NALF1: variants seen among roughly 807,000 people sequenced by gnomAD.
NALF1 encodes NALCN channel auxiliary factor 1.
A neutral mutation model predicts 48.4 loss-of-function variants in NALF1; 3 were observed. That is an observed-to-expected ratio of 0.06 (90% CI 0.03 to 0.16). The LOEUF is 0.16. Ranked by LOEUF, NALF1 falls within the 10% of genes least tolerant of loss-of-function variation. The probability of loss-of-function intolerance (pLI) is 1.00; values close to 1 mark genes in which losing one functional copy is unlikely to be tolerated. For synonymous variants in NALF1, 262 were observed against 245.7 expected (o/e 1.07, Z -0.62); for missense variants, 526 against 571.5 (o/e 0.92, Z 0.81).
intron 1 of NALF1, among the ~76,000 whole-genome samples, chr13:107,825,736 G>A (rs559951446): frequency 6.6e-6 from 1 of 152,206 alleles, no homozygotes; most frequent in African/African-American, 2.4e-5. Flanking sequence ...TATCACAAAG[G>A]CCAATAATGT....
chr13:107,648,383 C>G (rs923802150), intron 1 of NALF1, among the ~76,000 whole-genome samples: 1 of 152,150 alleles, frequency 6.6e-6, no homozygotes, highest in Non-Finnish European at 1.5e-5. Context: ...GATTTGTTTA[C>G]TCTCTATACT....
At chr13:107,704,972 A>G (rs1428253034) in intron 1 of NALF1, among the ~76,000 whole-genome samples, 2 of 152,202 alleles carry the variant, frequency 1.3e-5, no homozygotes, top group African/African-American at 4.8e-5. Context: ...CCTGGCCTAT[A>G]TAACTTATGG....
intron 1 of NALF1, among the ~76,000 whole-genome samples, chr13:107,678,696 G>A (rs1053419600): frequency 1.3e-5 from 2 of 152,226 alleles, no homozygotes; most frequent in Non-Finnish European, 2.9e-5. Context: ...ATGGTGGAAG[G>A]TGAAGGGAAA....
chr13:107,853,878 A>G (rs911656538), intron 1 of NALF1, among the ~76,000 whole-genome samples: 1 of 152,240 alleles, frequency 6.6e-6, no homozygotes, highest in Non-Finnish European at 1.5e-5. Context: ...CAGGTGAAAT[A>G]GCATAGAAAT....
chr13:107,818,527 G>C (rs1379329093), intron 1 of NALF1, among the ~76,000 whole-genome samples: 1 of 152,142 alleles, frequency 6.6e-6, no homozygotes, highest in African/African-American at 2.4e-5. Flanking sequence ...GTGGCAGATT[G>C]TAGAGTTGGA....
At chr13:107,721,119 C>T (rs1005068076) in intron 1 of NALF1, among the ~76,000 whole-genome samples, 3 of 122,128 alleles carry the variant, frequency 2.5e-5, no homozygotes, top group African/African-American at 9.9e-5. Flanking sequence ...TACACACACA[C>T]ACACACACAC....
At chr13:107,387,836 T>C (rs1235042621) in intron 1 of NALF1, among the ~76,000 whole-genome samples, 1 of 152,236 alleles carries the variant, frequency 6.6e-6, no homozygotes, top group African/African-American at 2.4e-5. Flanking sequence ...CATTCTTCAG[T>C]ATGATTAAAA....
chr13:107,778,597 G>GT lies in NALF1; in HGVS notation c.915+87084dup, dbSNP rs894436936. ...TTAAAACAGGAGTTGTTTTTTTTCTGTTTTTTTGTTTGTTTGTTTTTGTAT... is the reference window on the plus strand; with the variant it reads ...TTAAAACAGGAGTTGTTTTTTTTCTGTTTTTTTTGTTTGTTTGTTTTTGTAT... On this transcript the variant is annotated intron_variant, in intron 1 of 2. Coordinates refer to ENST00000375915, the MANE Select transcript of NALF1 (RefSeq NM_001080396.3). 1.1e-3 allele frequency among the ~76,000 whole-genome samples: 165 copies of GT among 151,438 alleles called. 1 individual carries two copies. Among genetic ancestry groups the GT allele is most frequent in the African/African-American group, 2.3e-3 (94 of 41,370 alleles).
intron 1 of NALF1, among the ~76,000 whole-genome samples, chr13:107,798,624 C>T (rs1395622110): frequency 1.3e-5 from 2 of 152,110 alleles, no homozygotes; most frequent in African/African-American, 4.8e-5. Flanking sequence ...CAAGTGATTA[C>T]AATTTAATTT....
chr13:107,535,073 G>A (rs1011361432), intron 1 of NALF1, among the ~76,000 whole-genome samples: 1 of 152,154 alleles, frequency 6.6e-6, no homozygotes, highest in Non-Finnish European at 1.5e-5. Context: ...ATCAGCTTAA[G>A]GAGATTTTGG....
chr13:107,409,416 A>G (rs1883952110), intron 1 of NALF1, among the ~76,000 whole-genome samples: 1 of 152,176 alleles, frequency 6.6e-6, no homozygotes, highest in South Asian at 2.1e-4. Context: ...AATACGGGAA[A>G]GAATAATGAA....
chr13:107,349,900 A>G (rs1039291630), intron 1 of NALF1, among the ~76,000 whole-genome samples: 3 of 152,062 alleles, frequency 2.0e-5, no homozygotes, highest in Non-Finnish European at 2.9e-5. Context: ...CCAGGAACCG[A>G]CTTCATGGAG....
intron 1 of NALF1, among the ~76,000 whole-genome samples, chr13:107,732,740 C>T (rs1289794532): frequency 6.6e-6 from 1 of 152,050 alleles, no homozygotes; most frequent in East Asian, 1.9e-4. Flanking sequence ...TATATTTTAC[C>T]TACTTTCATT....
intron 1 of NALF1, among the ~76,000 whole-genome samples, chr13:107,254,276 T>G (rs1880767396): frequency 6.6e-6 from 1 of 152,018 alleles, no homozygotes; most frequent in Admixed American, 6.6e-5. Flanking sequence ...AGCTAGGAAT[T>G]AATAGTCAGA....
At chr13:107,193,331 A>G (rs1227698956) in intron 2 of NALF1, among the ~76,000 whole-genome samples, 2 of 152,306 alleles carry the variant, frequency 1.3e-5, no homozygotes, top group East Asian at 3.9e-4. Flanking sequence ...AATAGGCAGC[A>G]CATGAACAGT....
intron 1 of NALF1, among the ~76,000 whole-genome samples, chr13:107,267,812 C>T (rs1251384733): frequency 1.3e-5 from 2 of 152,076 alleles, no homozygotes; most frequent in South Asian, 2.1e-4. Flanking sequence ...CCACACCAGT[C>T]GATCTGATAA....
intron 2 of NALF1, among the ~76,000 whole-genome samples, chr13:107,174,793 G>T (rs1878883086): frequency 6.6e-6 from 1 of 152,098 alleles, no homozygotes; most frequent in African/African-American, 2.4e-5. Flanking sequence ...CTCAGCTTCA[G>T]GGTGGAGTTG....
In NALF1 at chr13:107,283,059, G is replaced by A. The variant is rs932234717; in HGVS notation, c.916-72304C>T. Among the ~76,000 whole-genome samples the A allele has an allele frequency of 4.6e-5, 7 of 152,110 alleles. No homozygotes were observed. The South Asian group carries it at 6.2e-4, about 14-fold the overall frequency. On this transcript the variant is annotated intron_variant, in intron 1 of 2. Transcript: ENST00000375915. ...ACGGAAACGGTCAGTACAGAGGAAC[G>A]GACGGGAGCCCTAAGGAGTTGATGA...
intron 1 of NALF1, among the ~76,000 whole-genome samples, chr13:107,830,280 T>C (rs1284413788): frequency 6.6e-6 from 1 of 152,208 alleles, no homozygotes; most frequent in Non-Finnish European, 1.5e-5. Context: ...TTAAATGTCG[T>C]TGTTTATTTG....
Sources: allele counts gnomAD v4.1 joint callset (sites outside exome capture counted in the v4.1 genomes callset), GRCh38; gene constraint gnomAD v4.1.1; transcripts MANE v1.5; gene names NCBI Gene and HGNC (gene_info 2026-07-23, HGNC 2026-07-21).